TENM2: variants seen among roughly 807,000 people sequenced by gnomAD.
The protein encoded by TENM2 is teneurin transmembrane protein 2, also known as teneurin-2.
In TENM2, 52 loss-of-function variants were observed where a neutral mutation model predicts 245.2. That is an observed-to-expected ratio of 0.21 (90% confidence interval 0.17 to 0.27). The LOEUF (loss-of-function observed/expected upper bound fraction) is 0.27, where lower values mean the gene tolerates loss of function less well. Ranked by LOEUF, TENM2 falls within the 10% of genes least tolerant of loss-of-function variation. The probability of loss-of-function intolerance (pLI) is 1.00; values close to 1 mark genes in which losing one functional copy is unlikely to be tolerated. For missense variants in TENM2, 3,046 were observed against 3,666.8 expected, an observed-to-expected ratio of 0.83 and a Z score of 4.37; for synonymous variants, 1,363 against 1,438.9, an observed-to-expected ratio of 0.95 and a Z score of 1.19.
the TENM2 span, among the ~76,000 whole-genome samples, chr5:167,273,055 T>A: frequency 1.2e-4 from 19 of 152,164 alleles, no homozygotes; most frequent in African/African-American, 4.3e-4. Flanking sequence ...GGGCTGTCAG[T>A]GATTAACAAG....
At chr5:168,066,257 T>C (rs942876692) in intron 7 of TENM2, among the ~76,000 whole-genome samples, 1 of 152,202 alleles carries the variant, frequency 6.6e-6, no homozygotes, top group Non-Finnish European at 1.5e-5. Context: ...GAACTCTGCT[T>C]GGAAGTCACA....
chr5:168,174,456 C>T (rs1028374251), intron 13 of TENM2, among the ~76,000 whole-genome samples: 1 of 152,142 alleles, frequency 6.6e-6, no homozygotes, highest in East Asian at 1.9e-4. Context: ...CACAACGGTT[C>T]GTATACATCT....
intron 2 of TENM2, among the ~76,000 whole-genome samples, chr5:167,845,134 T>C (rs554595256): frequency 1.3e-5 from 2 of 152,228 alleles, no homozygotes; most frequent in Admixed American, 6.5e-5. Context: ...ATTTAGGGTA[T>C]AATTTAAATT....
chr5:167,770,843 G>A (rs757822179), intron 2 of TENM2, among the ~76,000 whole-genome samples: 1 of 152,232 alleles, frequency 6.6e-6, no homozygotes, highest in East Asian at 1.9e-4. Flanking sequence ...AGACTCAGAG[G>A]GGGGCTTAAA....
chr5:167,727,271 G>A (rs1189414168), intron 2 of TENM2, among the ~76,000 whole-genome samples: 1 of 151,856 alleles, frequency 6.6e-6, no homozygotes, highest in Non-Finnish European at 1.5e-5. Context: ...CACCACGCCC[G>A]GCTAATTTTG....
intron 8 of TENM2, among the ~76,000 whole-genome samples, chr5:168,093,426 C>T (rs144041737): frequency 1.3e-5 from 2 of 152,274 alleles, no homozygotes; most frequent in African/African-American, 4.8e-5. Context: ...GGGAAAAGAA[C>T]AGTGTTTTAT....
intron 2 of TENM2, among the ~76,000 whole-genome samples, chr5:167,458,086 T>C (rs1766030036): frequency 6.6e-6 from 1 of 152,324 alleles, no homozygotes; most frequent in Admixed American, 6.5e-5. Flanking sequence ...TCTTTTGGAA[T>C]GGTTCTTTAC....
chr5:167,439,010 T>C (rs1764736767), intron 2 of TENM2, among the ~76,000 whole-genome samples: 1 of 151,204 alleles, frequency 6.6e-6, no homozygotes, highest in Non-Finnish European at 1.5e-5. Flanking sequence ...GCCAGGCTAG[T>C]CTCAAACTCC....
At chr5:167,464,716 C>T (rs1350644146) in intron 2 of TENM2, among the ~76,000 whole-genome samples, 1 of 152,094 alleles carries the variant, frequency 6.6e-6, no homozygotes, top group African/African-American at 2.4e-5. Context: ...TGGAACTGCA[C>T]AACAGGCCTG....
At chr5:167,572,880 C>T (rs1219886630) in intron 2 of TENM2, among the ~76,000 whole-genome samples, 1 of 152,214 alleles carries the variant, frequency 6.6e-6, no homozygotes, top group Non-Finnish European at 1.5e-5. Flanking sequence ...CCTGTTGTCA[C>T]ATTTGGAGGG....
At chr5:168,259,860 A>G (rs1210815635) in intron 27 of TENM2, among the ~76,000 whole-genome samples, 1 of 152,260 alleles carries the variant, frequency 6.6e-6, no homozygotes, top group Non-Finnish European at 1.5e-5. Context: ...TGAGCAGTTA[A>G]TGTGCCAGGC....
At chr5:167,616,515 T>A (rs1777796555) in intron 2 of TENM2, among the ~76,000 whole-genome samples, 1 of 152,168 alleles carries the variant, frequency 6.6e-6, no homozygotes, top group Non-Finnish European at 1.5e-5. Context: ...TTTAATTTCT[T>A]AAATTCCACT....
At chr5:168,094,955 A>G (rs1275661167) in intron 8 of TENM2, among the ~76,000 whole-genome samples, 1 of 151,730 alleles carries the variant, frequency 6.6e-6, no homozygotes, top group Non-Finnish European at 1.5e-5. Flanking sequence ...CGAGGGATCT[A>G]GGTTGTATGC....
intron 1 of TENM2, among the ~76,000 whole-genome samples, chr5:167,285,987 G>A (rs760563529): frequency 5.3e-5 from 8 of 152,186 alleles, no homozygotes; most frequent in Non-Finnish European, 1.0e-4. Context: ...AAATAACTTA[G>A]CTTGGAATTC....
At chr5:167,056,281 T>A in the TENM2 span, among the ~76,000 whole-genome samples, 2 of 151,796 alleles carry the variant, frequency 1.3e-5, no homozygotes, top group African/African-American at 2.4e-5. Context: ...TTTGTTAATT[T>A]GAGAAAGTAT....
chr5:167,647,484 G>T (rs1338973121), intron 2 of TENM2, among the ~76,000 whole-genome samples: 1 of 151,974 alleles, frequency 6.6e-6, no homozygotes, highest in Admixed American at 6.6e-5. Flanking sequence ...TTAGCCGGGC[G>T]TGGTGGTGAG....
At position 167,738,494 on chromosome 5, in the gene TENM2, C is replaced by T. The variant is rs143784151; in HGVS notation, c.503-137492C>T. Among the ~76,000 whole-genome samples, 55 of 152,324 alleles carry T rather than the reference C, an allele frequency of 3.6e-4. No homozygotes were observed. The East Asian group carries it at 0.011, about 29-fold the overall frequency. On this transcript the variant is annotated intron_variant, in intron 2 of 28. Coordinates refer to ENST00000518659, the Ensembl canonical transcript of TENM2. ...CAAAACTGTAATTCTTATGCAGGCA[C>T]TGACACAATGTGGATTCTTCTTCAT...
intron 2 of TENM2, among the ~76,000 whole-genome samples, chr5:167,598,342 A>T (rs1473260741): frequency 6.6e-6 from 1 of 152,292 alleles, no homozygotes; most frequent in South Asian, 2.1e-4. Context: ...GTCTCCTGAG[A>T]TGTGTAGCAA....
At chr5:167,078,592 A>G in the TENM2 span, among the ~76,000 whole-genome samples, 1 of 152,228 alleles carries the variant, frequency 6.6e-6, no homozygotes, top group Non-Finnish European at 1.5e-5. Flanking sequence ...AATACCTTTA[A>G]TTCTTGTTAT....
Sources: gnomAD v4.1 joint callset for allele counts (sites outside exome capture counted in the v4.1 genomes callset) on GRCh38, gnomAD v4.1.1 for gene constraint, MANE v1.5 for transcripts, NCBI Gene and HGNC (gene_info 2026-07-23, HGNC 2026-07-21) for gene names.